TMEM131L: variants seen among roughly 807,000 people sequenced by gnomAD.
TMEM131L encodes transmembrane protein 131-like.
A neutral mutation model predicts 192.2 loss-of-function variants in TMEM131L; 54 were observed. That is an observed-to-expected ratio of 0.28 (90% CI 0.23 to 0.35). The LOEUF is 0.35. Ranked by LOEUF, TMEM131L falls within the 10% of genes least tolerant of loss-of-function variation. The pLI is 1.00. For missense variants in TMEM131L, 1,888 were observed against 1,972.9 expected (o/e 0.96, Z 0.82); for synonymous variants, 701 against 704.9 (o/e 0.99, Z 0.09).
intron 31 of TMEM131L, among the ~76,000 whole-genome samples, chr4:153,628,780 C>T (rs1156849658): frequency 6.6e-6 from 1 of 152,172 alleles, no homozygotes; most frequent in Non-Finnish European, 1.5e-5. Flanking sequence ...ACTGTCAGAG[C>T]ATCTACCCTT....
Position 153,603,440 on chromosome 4 carries a change from C to A in TMEM131L, c.2777C>A (p.Pro926His). The A allele has an allele frequency of 1.2e-6, 2 of 1,613,382 alleles. No homozygotes were observed. The highest frequency in any genetic ancestry group is 1.7e-6 in the Non-Finnish European group (2 of 1,179,792). Residue 926 changes from proline to histidine, a missense_variant, in exon 24 of 35, where the codon CCC becomes CAC. Pro to His is a moderately conservative substitution (Grantham distance 77). Coordinates refer to ENST00000409959, the MANE Select transcript of TMEM131L (RefSeq NM_001131007.2). Reference protein sequence around the residue: ...QNNGPMDVISPHSYKSNCKNF... With the variant: ...QNNGPMDVISHHSYKSNCKNF... ...AATGGTCCTATGGATGTAATCAGCC[C>A]CCATTCTTACAAGTAAGAATTCTTA...
In TMEM131L at chr4:153,603,391, G is replaced by C. The variant is rs759688493; in HGVS notation, c.2728G>C (p.Ala910Pro). Residue 910 changes from alanine to proline, a missense_variant, in exon 24 of 35, where the codon GCT becomes CCT. Ala to Pro is a conservative substitution (Grantham distance 27). Transcript: ENST00000409959. ...CATGAAAACAAGACAGAGGCAAAAT[G>C]CTAGCTCCTCTTCACAGCAAAACAA... ...EFMKTRQRQN[A>P]SSSSQQNNGP... The C allele has an allele frequency of 1.9e-6, 3 of 1,613,998 alleles. No homozygotes were observed. Among genetic ancestry groups the C allele is most frequent in the African/African-American group, 2.7e-5 (2 of 75,022 alleles).
intron 19 of TMEM131L, among the ~76,000 whole-genome samples, chr4:153,596,040 A>G (rs886474595): frequency 1.3e-5 from 2 of 152,140 alleles, no homozygotes; most frequent in African/African-American, 4.8e-5. Context: ...CATCTGTGTG[A>G]GGTTGTCTTG....
At chr4:153,542,276 A>G (rs747422912) in intron 3 of TMEM131L, among the ~76,000 whole-genome samples, 33 of 152,184 alleles carry the variant, frequency 2.2e-4, no homozygotes, top group Non-Finnish European at 2.9e-4. Context: ...GGTAGGAGGT[A>G]GTGGGGAGGT....
In TMEM131L at chr4:153,636,301, C is replaced by G; in HGVS notation, c.4558C>G (p.Pro1520Ala). The change falls in exon 35 of 35, where the codon CCC (proline) becomes GCC (alanine). Residue 1520 changes from proline (P) to alanine (A), a missense_variant and splice_region_variant. By Grantham distance (27) the Pro-to-Ala change is conservative. Coordinates refer to ENST00000409959, the MANE Select transcript of TMEM131L (RefSeq NM_001131007.2). ...WGHASFISSP[P>A]YLTSTRSLSP... is the part of the protein sequence containing the mutation. ...TTTTCCTTCCTCATTTATACTTCAG[C>G]CCTACCTCACAAGCACCCGAAGCTT... 6.2e-7 allele frequency: 1 copy of G among 1,612,472 alleles called. No homozygotes were observed. The highest frequency in any genetic ancestry group is 8.5e-7 in the Non-Finnish European group (1 of 1,178,714).
chr4:153,515,154 T>C (rs1476757354), intron 3 of TMEM131L, among the ~76,000 whole-genome samples: 1 of 152,240 alleles, frequency 6.6e-6, no homozygotes, highest in African/African-American at 2.4e-5. Context: ...GTTTTTAATA[T>C]ATTCATAGTT....
intron 20 of TMEM131L, among the ~76,000 whole-genome samples, chr4:153,598,006 A>T (rs953409976): frequency 6.6e-6 from 1 of 152,198 alleles, no homozygotes; most frequent in African/African-American, 2.4e-5. Flanking sequence ...TAATGAAAAG[A>T]CACATGCTAG....
Position 153,467,219 on chromosome 4 carries a change from C to A in TMEM131L, c.133C>A (p.Pro45Thr). The change falls in exon 2 of 35, where the codon CCG becomes ACG. Residue 45 changes from proline to threonine, a missense_variant. Coordinates refer to ENST00000409959, the MANE Select transcript of TMEM131L (RefSeq NM_001131007.2). ...PGGAQGQAIEPLPNVVELWQA... is the reference protein window; with the variant it reads ...PGGAQGQAIETLPNVVELWQA... ...TTTTGGTGTTCCTGCAGCGATTGAG[C>A]CGTTGCCGAACGTGGTGGAGCTGTG... 6.4e-7 allele frequency: 1 copy of A among 1,551,692 alleles called. No individual in the cohort carries two copies. The highest frequency in any genetic ancestry group is 8.7e-7 in the Non-Finnish European group (1 of 1,146,950).
At chr4:153,532,221 A>G (rs901411989) in intron 3 of TMEM131L, among the ~76,000 whole-genome samples, 6 of 152,222 alleles carry the variant, frequency 3.9e-5, no homozygotes, top group African/African-American at 1.4e-4. Flanking sequence ...ATTATGGGAA[A>G]TGTGGATGGT....
intron 3 of TMEM131L, among the ~76,000 whole-genome samples, chr4:153,485,484 G>A (rs1298390174): frequency 6.6e-6 from 1 of 152,198 alleles, no homozygotes; most frequent in Non-Finnish European, 1.5e-5. Flanking sequence ...CCAGAGAATA[G>A]CCTCAGTAAA....
At chr4:153,505,890 G>A (rs1404929363) in intron 3 of TMEM131L, among the ~76,000 whole-genome samples, 1 of 152,086 alleles carries the variant, frequency 6.6e-6, no homozygotes, top group Non-Finnish European at 1.5e-5. Context: ...AGGGTGTGGT[G>A]AGGAGGCTGC....
At chr4:153,622,572 ATC>A (rs1733510335) in intron 28 of TMEM131L, among the ~76,000 whole-genome samples, 1 of 152,208 alleles carries the variant, frequency 6.6e-6, no homozygotes, top group African/African-American at 2.4e-5. Flanking sequence ...TCACCTATGA[ATC>A]TCTGGTGCAA....
chr4:153,566,518 AGTGTGTGTGTGTGTGTGT>A (rs35949558), intron 7 of TMEM131L, among the ~76,000 whole-genome samples: 5 of 145,758 alleles, frequency 3.4e-5, no homozygotes, highest in African/African-American at 5.0e-5. Flanking sequence ...TGTGAGTGTG[AGTGTGTGTGTGTGTGTGT>A]GTGTGTGTGT....
chr4:153,477,995 A>G (rs1160092241), intron 3 of TMEM131L, among the ~76,000 whole-genome samples: 1 of 152,214 alleles, frequency 6.6e-6, no homozygotes, highest in Non-Finnish European at 1.5e-5. Context: ...GCCTGGATTC[A>G]TTTTAAAACT....
rs115906668 is a variant in TMEM131L, at chr4:153,624,480, C to T, written c.4045+1397C>T. 6.7e-3 allele frequency among the ~76,000 whole-genome samples: 1,027 copies of T among 152,340 alleles called. 8 individuals carry two copies. Among genetic ancestry groups the T allele is most frequent in the African/African-American group, 0.024 (978 of 41,568 alleles). On this transcript the variant is annotated intron_variant, in intron 29 of 34. Transcript: ENST00000409959. ...GAAGATGTAGTTCCATTCCTTTTAA[C>T]TGTTGTTTTCAACATAGTAAACTTT...
chr4:153,587,877 A>C (rs149700715), intron 15 of TMEM131L, 66 bp downstream of exon 15: 1 of 1,100,214 alleles, frequency 9.1e-7, no homozygotes. Context: ...AGTGAGGAAA[A>C]TTAGCATTTG....
intron 16 of TMEM131L, 48 bp downstream of exon 16, chr4:153,589,055 T>C (rs1167762688): frequency 3.1e-6 from 3 of 981,154 alleles, no homozygotes; most frequent in East Asian, 2.4e-5. Flanking sequence ...GGAGACACTG[T>C]TACAGTAGTC....
chr4:153,625,391 C>CA lies in TMEM131L; in HGVS notation c.4046-747dup, dbSNP rs915327878. Among the ~76,000 whole-genome samples the CA allele has an allele frequency of 2.1e-3, 307 of 146,480 alleles. 2 individuals are homozygous for CA. Among genetic ancestry groups the CA allele is most frequent in the South Asian group, 3.7e-3 (17 of 4,654 alleles). On this transcript the variant is annotated intron_variant, in intron 29 of 34. Transcript: ENST00000409959. ...GTGACAAAGCGAGACTCTGTCTCGA[C>CA]AAAAAAAAAGGGGGTACATTAGTTA...
rs142655540 is a variant in TMEM131L at position 153,632,758 on chromosome 4, G to T, written c.4248G>T (p.Val1416=). 1,987 of 1,614,112 alleles carry T rather than the reference G, an allele frequency of 1.2e-3. 3 individuals are homozygous for T. Among genetic ancestry groups the T allele is most frequent in the Non-Finnish European group, 1.5e-3 (1,747 of 1,180,008 alleles). The stretch of plus-strand genomic sequence containing the variant: ...GAGACCTGTGGCCCACTCCGCCAGT[G>T]TGTGTGACAAGCAGCTTAAACTGCA... ...SPGDLWPTPP[V]CVTSSLNCTL... Residue 1416 remains valine (V), a synonymous_variant, in exon 32 of 35, where the codon GTG becomes GTT. Transcript: ENST00000409959.
Sources: allele counts gnomAD v4.1 joint callset (sites outside exome capture counted in the v4.1 genomes callset), GRCh38; gene constraint gnomAD v4.1.1; transcripts MANE v1.5; gene names NCBI Gene and HGNC (gene_info 2026-07-23, HGNC 2026-07-21).